SCN8A: variants seen among roughly 807,000 people sequenced by gnomAD.
SCN8A encodes the protein sodium voltage-gated channel alpha subunit 8, also known as sodium channel protein type 8 subunit alpha.
Under a neutral mutation model 184.1 loss-of-function variants are expected in SCN8A, and 30 were observed. The observed-to-expected ratio is 0.16, with a 90% CI of 0.12 to 0.22. SCN8A has a LOEUF of 0.22. Among genes scored for constraint, SCN8A ranks in the 10% least tolerant of loss-of-function variants. The probability of loss-of-function intolerance (pLI) is 1.00; values close to 1 mark genes in which losing one functional copy is unlikely to be tolerated. For missense variants in SCN8A, 1,057 were observed against 2,498.9 expected (o/e 0.42, Z 12.30); for synonymous variants, 852 against 907.0 (o/e 0.94, Z 1.09).
chr12:51,623,003 G>T (rs1939996401), intron 1 of SCN8A, among the ~76,000 whole-genome samples: 1 of 151,918 alleles, frequency 6.6e-6, no homozygotes, highest in African/African-American at 2.4e-5. Flanking sequence ...TGGCTTCTGG[G>T]GCCTCTTCCA....
In SCN8A at chr12:51,807,601, G is replaced by A; in HGVS notation, c.*172G>A. On this transcript the variant is annotated 3_prime_UTR_variant, in exon 27 of 27. Transcript: ENST00000627620. This position sits in a 1 kb window ranked among gnomAD's most constrained non-coding sequence, Gnocchi z 4.5. ...ACAGCTGCATCTTGAGCAGTGACCT[G>A]CCAAGGGCAAAGGACCCCGCTCCCT... The A allele has an allele frequency of 1.4e-6, 1 of 726,620 alleles. No homozygotes were observed. Among genetic ancestry groups the A allele is most frequent in the Non-Finnish European group, 2.3e-6 (1 of 441,976 alleles). The allele number at this position is 726,620 out of a possible 1,614,324, so 45.0% of individuals were successfully genotyped here. A position where few individuals can be genotyped will look rare whatever the true frequency, so the allele number is the denominator to read the frequency against.
chr12:51,686,428 T>C lies in SCN8A; in HGVS notation c.456T>C (p.Ser152=), dbSNP rs1941421146. 6.2e-7 allele frequency: 1 copy of C among 1,610,966 alleles called. No homozygotes were observed. Among genetic ancestry groups the C allele is most frequent in the African/African-American group, 1.3e-5 (1 of 74,962 alleles). Residue 152 remains serine (S), a synonymous_variant, in exon 4 of 27, where the codon AGT becomes AGC. Transcript: ENST00000627620. ...CCAACTGTGTATTCATGACTTTTAGTAACCCTCCTGACTGGTCGAAGAATG... is the reference window on the plus strand; with the variant it reads ...CCAACTGTGTATTCATGACTTTTAGCAACCCTCCTGACTGGTCGAAGAATG... ...ILTNCVFMTF[S]NPPDWSKNVE...
chr12:51,598,925 C>A (rs1392976866), intron 1 of SCN8A, among the ~76,000 whole-genome samples: 1 of 152,152 alleles, frequency 6.6e-6, no homozygotes. Flanking sequence ...CATAATGCCT[C>A]TGTTTTATTT....
At chr12:51,744,779 C>T (rs1212671377) in intron 12 of SCN8A, among the ~76,000 whole-genome samples, 1 of 152,086 alleles carries the variant, frequency 6.6e-6, no homozygotes, top group Admixed American at 6.5e-5. Context: ...TTCTTCTGTT[C>T]AGTCCTTAAA....
At chr12:51,780,871 T>G in intron 21 of SCN8A, 100 bp downstream of exon 21, 1 of 1,310,922 alleles carries the variant, frequency 7.6e-7, no homozygotes, top group South Asian at 2.3e-5. Flanking sequence ...AAACACGAAT[T>G]CTGTGATGCA....
intron 26 of SCN8A, among the ~76,000 whole-genome samples, chr12:51,802,054 C>CAA (rs57827990): frequency 2.0e-5 from 3 of 150,008 alleles, no homozygotes; most frequent in Admixed American, 6.6e-5. Flanking sequence ...GACTCTGTCT[C>CAA]AAAAAAAAAG....
chr12:51,655,820 C>T (rs562070056), intron 1 of SCN8A, among the ~76,000 whole-genome samples: 18 of 152,310 alleles, frequency 1.2e-4, no homozygotes, highest in Non-Finnish European at 1.9e-4. Flanking sequence ...TCTGGGCTGC[C>T]TGTGTCATCT....
chr12:51,656,836 T>C (rs1268193907), intron 1 of SCN8A, among the ~76,000 whole-genome samples: 1 of 148,098 alleles, frequency 6.8e-6, no homozygotes, highest in Non-Finnish European at 1.5e-5. Flanking sequence ...AAAAAAAAGG[T>C]AAGAAAAAGG....
chr12:51,806,916 C>G lies in SCN8A; in HGVS notation c.5430C>G (p.Asp1810Glu), dbSNP rs1295392795. ...TCATTGAGTACTGTAAGCTGGCAGA[C>G]TTTGCAGATGCCTTGGAGCATCCTC... The part of the protein sequence containing the change: ...TQFIEYCKLA[D>E]FADALEHPLR... Residue 1810 changes from aspartate to glutamate, a missense_variant, in exon 27 of 27, where the codon GAC (aspartate) becomes GAG (glutamate). By Grantham distance (45) the Asp-to-Glu change is conservative (BLOSUM62 2). Coordinates refer to ENST00000627620, the MANE Select transcript of SCN8A (RefSeq NM_001330260.2). This position sits in a 1 kb window ranked among gnomAD's most constrained non-coding sequence, Gnocchi z 8.7. 6.2e-7 allele frequency: 1 copy of G among 1,613,278 alleles called. No individual in the cohort carries two copies. The highest frequency in any genetic ancestry group is 1.1e-5 in the South Asian group (1 of 91,060).
chr12:51,705,759 G>A (rs1159330470), intron 10 of SCN8A, 136 bp downstream of exon 10: 3 of 746,794 alleles, frequency 4.0e-6, no homozygotes, highest in Non-Finnish European at 6.4e-6. Flanking sequence ...AATAACCCAA[G>A]TAACAACTGC....
chr12:51,752,117 C>T (rs1942604889), intron 14 of SCN8A, among the ~76,000 whole-genome samples: 1 of 152,000 alleles, frequency 6.6e-6, no homozygotes, highest in Non-Finnish European at 1.5e-5. Flanking sequence ...AATCCAACTT[C>T]TAGGCCATTA....
intron 1 of SCN8A, among the ~76,000 whole-genome samples, chr12:51,634,632 C>T (rs1471079275): frequency 3.5e-5 from 5 of 141,174 alleles, no homozygotes; most frequent in South Asian, 4.4e-4. Flanking sequence ...CAATGAAATA[C>T]GTATTATTAT....
In SCN8A at chr12:51,671,964, A is replaced by G. The variant is rs569761919; in HGVS notation, c.276+8871A>G. Among the ~76,000 whole-genome samples, 5 of 152,358 alleles carry G rather than the reference A, an allele frequency of 3.3e-5. No individual in the cohort carries two copies. In the East Asian group the frequency reaches 9.6e-4, roughly 29 times the overall value. ...AAAGATTCTGCTGATTTCAGAGAAT[A>G]GGGTGCCCCATCTACTGTTCAAGAC... is the stretch of plus-strand genomic sequence containing the variant. On this transcript the variant is annotated intron_variant, in intron 2 of 26. Coordinates refer to ENST00000627620, the MANE Select transcript of SCN8A (RefSeq NM_001330260.2).
chr12:51,622,870 T>G (rs984201137), intron 1 of SCN8A, among the ~76,000 whole-genome samples: 1 of 152,202 alleles, frequency 6.6e-6, no homozygotes, highest in African/African-American at 2.4e-5. Flanking sequence ...ATTTTCCCCT[T>G]CTACCTATTT....
At chr12:51,703,138 C>A (rs1941720579) in intron 9 of SCN8A, among the ~76,000 whole-genome samples, 1 of 152,192 alleles carries the variant, frequency 6.6e-6, no homozygotes, top group Non-Finnish European at 1.5e-5. Flanking sequence ...GCCTTGACGG[C>A]CTCTTGTCTG....
chr12:51,706,489 G>C lies in SCN8A; in HGVS notation c.1409G>C (p.Gly470Ala). 6.2e-7 allele frequency: 1 copy of C among 1,606,516 alleles called. No homozygotes were observed. The highest frequency in any genetic ancestry group is 2.2e-5 in the East Asian group (1 of 44,648). Reference sequence around the variant, plus strand: ...GCCATAGAGGAAGAAGGTGAAGAAGGAGGGGGCTCCCCTCGGAGCTCTTCT... The same window carrying C: ...GCCATAGAGGAAGAAGGTGAAGAAGCAGGGGGCTCCCCTCGGAGCTCTTCT... ...EDAIEEEGEE[G>A]GGSPRSSSEI... The change falls in exon 11 of 27, where the codon GGA (glycine) becomes GCA (alanine). Residue 470 changes from glycine (G) to alanine (A), a missense_variant. Around this residue, in one of 19 missense-constraint regions of SCN8A, gnomAD observed 322 missense variants for 390.1 expected, o/e 0.83. Transcript: ENST00000627620.
chr12:51,655,505 C>T (rs371672243), intron 1 of SCN8A, among the ~76,000 whole-genome samples: 161 of 152,116 alleles, frequency 1.1e-3, no homozygotes, highest in African/African-American at 3.3e-3. Flanking sequence ...TCTCAGCCTC[C>T]CCAGCAGCTG....
chr12:51,714,253 A>G lies in SCN8A; in HGVS notation c.1636-7293A>G, dbSNP rs113999880. On this transcript the variant is annotated intron_variant, in intron 11 of 26. Transcript: ENST00000627620. ...TTAAACAGTTAGTTGTGACGTGGAA[A>G]CTATAACAGTAACTTTGTACTCTGT... is the stretch of plus-strand genomic sequence containing the variant. Among the ~76,000 whole-genome samples the G allele has an allele frequency of 4.4e-3, 672 of 152,332 alleles. 5 individuals carry two copies. The highest frequency in any genetic ancestry group is 0.016 in the African/African-American group (650 of 41,576).
At chr12:51,791,345 C>T (rs1452547341) in intron 25 of SCN8A, among the ~76,000 whole-genome samples, 2 of 152,150 alleles carry the variant, frequency 1.3e-5, no homozygotes, top group Non-Finnish European at 2.9e-5. Flanking sequence ...CACCCCCACA[C>T]GCCGCACGTG....
Sources: allele counts gnomAD v4.1 joint callset (sites outside exome capture counted in the v4.1 genomes callset), GRCh38; gene constraint gnomAD v4.1.1; regional missense constraint gnomAD v4.1.1; non-coding constraint Gnocchi (gnomAD v3.1); transcripts MANE v1.5; gene names NCBI Gene and HGNC (gene_info 2026-07-23, HGNC 2026-07-21).